Variants in SORCS3 observed in about 807,000 individuals in gnomAD.
The protein encoded by SORCS3 is sortilin related VPS10 domain containing receptor 3.
SORCS3 carries 57 observed loss-of-function variants against 146.3 expected under a neutral mutation model. The observed-to-expected ratio is 0.39, with a 90% CI of 0.31 to 0.49. The LOEUF (loss-of-function observed/expected upper bound fraction) is 0.49, where lower values mean the gene tolerates loss of function less well. SORCS3 is among the 20% of genes least tolerant of loss of function. The probability of loss-of-function intolerance (pLI) is 0.92; values close to 1 mark genes in which losing one functional copy is unlikely to be tolerated. For missense variants in SORCS3, 1,341 were observed against 1,575.5 expected (o/e 0.85, Z 2.52); for synonymous variants, 653 against 618.5 (o/e 1.06, Z -0.83).
intron 7 of SORCS3, among the ~76,000 whole-genome samples, chr10:105,122,141 A>G (rs192457724): frequency 6.6e-6 from 1 of 152,198 alleles, no homozygotes; most frequent in African/African-American, 2.4e-5. Flanking sequence ...AGTGCTGATA[A>G]TGAGGGAAGT....
Position 104,813,248 on chromosome 10 carries a change from C to T in SORCS3, c.628-29544C>T, listed in dbSNP as rs573105348. ...TCCTCAAGTGACCAGACAGTTCCCA[C>T]GACCCGTTCATCATCTGCTAAGGGT... On this transcript the variant is annotated intron_variant, in intron 1 of 26. Transcript: ENST00000369701. Among the ~76,000 whole-genome samples the T allele has an allele frequency of 3.0e-4, 45 of 152,342 alleles. No individual in the cohort carries two copies. The South Asian group carries it at 5.2e-3, about 18-fold the overall frequency.
At chr10:105,138,697 C>T (rs1334298194) in intron 7 of SORCS3, among the ~76,000 whole-genome samples, 2 of 152,204 alleles carry the variant, frequency 1.3e-5, no homozygotes, top group East Asian at 3.9e-4. Context: ...ACTTTCCTCC[C>T]ATTAAGAATC....
intron 1 of SORCS3, among the ~76,000 whole-genome samples, chr10:104,691,173 C>A (rs1224175818): frequency 5.9e-5 from 9 of 152,188 alleles, no homozygotes; most frequent in Non-Finnish European, 1.3e-4. Context: ...GGTGTCATAG[C>A]AACCAAATGG....
In SORCS3 at chr10:104,945,063, A is replaced by T. The variant is rs145102466; in HGVS notation, c.795+29131A>T. ...GCAACAACATGGATTAATCTCATAG[A>T]GTATTGAGCCATAAAACGTCATAGA... On this transcript the variant is annotated intron_variant, in intron 3 of 26. Coordinates refer to ENST00000369701, the MANE Select transcript of SORCS3 (RefSeq NM_014978.3). 5.2e-3 allele frequency among the ~76,000 whole-genome samples: 786 copies of T among 152,350 alleles called. 4 individuals are homozygous for T. Among genetic ancestry groups the T allele is most frequent in the Non-Finnish European group, 8.6e-3 (585 of 68,034 alleles).
At chr10:104,903,444 CA>C (rs1224304425) in intron 2 of SORCS3, among the ~76,000 whole-genome samples, 1 of 152,002 alleles carries the variant, frequency 6.6e-6, no homozygotes, top group East Asian at 1.9e-4. Flanking sequence ...AATAGAAAAC[CA>C]GAGAAAGGAA....
chr10:104,645,298 C>T (rs1028155310), intron 1 of SORCS3, among the ~76,000 whole-genome samples: 3 of 152,162 alleles, frequency 2.0e-5, no homozygotes, highest in African/African-American at 4.8e-5. Context: ...GCCCAGTCCC[C>T]GTGGCTTACA....
chr10:104,744,160 C>T (rs571099597), intron 1 of SORCS3, among the ~76,000 whole-genome samples: 2 of 152,288 alleles, frequency 1.3e-5, no homozygotes, highest in South Asian at 4.2e-4. Flanking sequence ...TTCTAGAGCT[C>T]TTCTCCTTTG....
At chr10:104,826,403 A>T (rs953858831) in intron 1 of SORCS3, among the ~76,000 whole-genome samples, 8 of 152,214 alleles carry the variant, frequency 5.3e-5, no homozygotes, top group Non-Finnish European at 1.0e-4. Flanking sequence ...CCTCAGAGAT[A>T]TTGTGTGTTA....
intron 7 of SORCS3, among the ~76,000 whole-genome samples, chr10:105,134,564 A>T (rs1285132250): frequency 6.6e-6 from 1 of 151,946 alleles, no homozygotes; most frequent in Non-Finnish European, 1.5e-5. Context: ...GGAAAAAAAA[A>T]AAAAAAAGAA....
intron 1 of SORCS3, among the ~76,000 whole-genome samples, chr10:104,786,655 G>A (rs953818055): frequency 6.6e-6 from 1 of 151,906 alleles, no homozygotes; most frequent in African/African-American, 2.4e-5. Context: ...GAAGCTGAGA[G>A]GAATGGCTTC....
intron 3 of SORCS3, among the ~76,000 whole-genome samples, chr10:104,968,711 A>G (rs879432925): frequency 7.9e-5 from 12 of 152,250 alleles, no homozygotes; most frequent in African/African-American, 2.7e-4. Flanking sequence ...AGCCATTGCC[A>G]CAAATTATAC....
chr10:104,734,028 A>G (rs1447376858), intron 1 of SORCS3, among the ~76,000 whole-genome samples: 5 of 152,126 alleles, frequency 3.3e-5, no homozygotes, highest in Non-Finnish European at 7.4e-5. Flanking sequence ...TTCAGCAGAC[A>G]ATAACTGGAT....
rs1589497296 is a variant in SORCS3 at position 104,782,616 on chromosome 10, G to T, written c.628-60176G>T. 1.3e-5 allele frequency among the ~76,000 whole-genome samples: 2 copies of T among 152,208 alleles called. 1 individual carries two copies. The highest frequency in any genetic ancestry group is 4.8e-5 in the African/African-American group (2 of 41,452). ...CTATTCCAAGGGAACTCATTCTGTTGTAGAGTTAGAACACTCTTCTTATGT... is the reference window on the plus strand; with the variant it reads ...CTATTCCAAGGGAACTCATTCTGTTTTAGAGTTAGAACACTCTTCTTATGT... On this transcript the variant is annotated intron_variant, in intron 1 of 26. Transcript: ENST00000369701.
chr10:105,043,684 C>A (rs887292592), intron 5 of SORCS3, among the ~76,000 whole-genome samples: 5 of 152,086 alleles, frequency 3.3e-5, no homozygotes, highest in African/African-American at 1.2e-4. Flanking sequence ...ATGAAGAATT[C>A]TGCCAAACTT....
chr10:105,050,992 C>G (rs552381325), intron 5 of SORCS3, among the ~76,000 whole-genome samples: 2 of 152,218 alleles, frequency 1.3e-5, no homozygotes, highest in South Asian at 2.1e-4. Flanking sequence ...TGCCCAGACT[C>G]TATGGGATTT....
At chr10:105,256,723 G>C in intron 24 of SORCS3, 96 bp from the exon 25 acceptor site, 1 of 872,762 alleles carries the variant, frequency 1.1e-6, no homozygotes, top group Non-Finnish European at 1.9e-6. Flanking sequence ...TAAGGATGGA[G>C]ATCAGTGGCC....
intron 1 of SORCS3, among the ~76,000 whole-genome samples, chr10:104,755,293 A>G (rs1384978860): frequency 6.6e-6 from 1 of 152,208 alleles, no homozygotes; most frequent in African/African-American, 2.4e-5. Context: ...CATTCATTCC[A>G]CAAAAACATA....
At chr10:104,832,750 T>TAAAAAAAC (rs58541807) in intron 1 of SORCS3, among the ~76,000 whole-genome samples, 1 of 151,744 alleles carries the variant, frequency 6.6e-6, no homozygotes, top group Non-Finnish European at 1.5e-5. Context: ...AATAAATAAA[T>TAAAAAAAC]GAACGAACGA....
At chr10:104,851,509 T>G (rs2133553517) in intron 2 of SORCS3, among the ~76,000 whole-genome samples, 1 of 152,326 alleles carries the variant, frequency 6.6e-6, no homozygotes, top group Non-Finnish European at 1.5e-5. Flanking sequence ...CTAATGCAGT[T>G]GATAAGTGAA....
Sources: gnomAD v4.1 joint callset for allele counts (sites outside exome capture counted in the v4.1 genomes callset) on GRCh38, gnomAD v4.1.1 for gene constraint, MANE v1.5 for transcripts, NCBI Gene and HGNC (gene_info 2026-07-23, HGNC 2026-07-21) for gene names.